Variants in LARP1 observed in about 807,000 individuals in gnomAD.
LARP1 encodes la-related protein 1.
Under a neutral mutation model 122.7 loss-of-function variants are expected in LARP1, and 36 were observed. The ratio of observed to expected loss-of-function variants is 0.29; its 90% CI spans 0.22 to 0.39. LARP1 has a LOEUF of 0.39. Among genes scored for constraint, LARP1 ranks in the 10% least tolerant of loss-of-function variants. The pLI, the probability that LARP1 is intolerant of heterozygous loss-of-function variation, is 1.00. For missense variants in LARP1, 1,040 were observed against 1,403.6 expected, an observed-to-expected ratio of 0.74 and a Z score of 4.14; for synonymous variants, 539 against 528.7, an observed-to-expected ratio of 1.02 and a Z score of -0.27.
intron 18 of LARP1, among the ~76,000 whole-genome samples, chr5:154,812,298 A>G (rs1365961404): frequency 6.6e-6 from 1 of 152,172 alleles, no homozygotes; most frequent in Non-Finnish European, 1.5e-5. Context: ...ACTAGCCCTT[A>G]ACATTTTGTA....
chr5:154,755,327 C>G (rs1432518397), upstream of LARP1, among the ~76,000 whole-genome samples: 1 of 149,752 alleles, frequency 6.7e-6, no homozygotes, highest in African/African-American at 2.4e-5. Context: ...CGCCCGCCGC[C>G]TGCCGCGGAT....
upstream of LARP1, among the ~76,000 whole-genome samples, chr5:154,755,077 G>T (rs566994134): frequency 2.6e-5 from 4 of 151,900 alleles, no homozygotes; most frequent in South Asian, 2.1e-4. Flanking sequence ...CGCCCCCACC[G>T]ACAACTCCCG....
At chr5:154,712,213 A>G (rs1755252722), upstream of LARP1, among the ~76,000 whole-genome samples, 1 of 152,178 alleles carries the variant, frequency 6.6e-6, no homozygotes, top group Admixed American at 6.5e-5. Flanking sequence ...AGTCTCTTTC[A>G]GCTTTAAACC....
chr5:154,734,366 A>G (rs1327266179), intron 1 of LARP1, among the ~76,000 whole-genome samples: 1 of 152,214 alleles, frequency 6.6e-6, no homozygotes, highest in African/African-American at 2.4e-5. Context: ...ACATCAAGAC[A>G]GAGGCTGAAA....
rs200557431 is a variant in LARP1, at chr5:154,808,487, T to C, written c.2727T>C (p.Ser909=). Reference sequence around the variant, plus strand: ...GGAAACGCTTGGGCATTGGCCAGTCTCAGGAGATGAACACACTCTTCCGCT... The same window carrying C: ...GGAAACGCTTGGGCATTGGCCAGTCCCAGGAGATGAACACACTCTTCCGCT... ...NERKRLGIGQ[S]QEMNTLFRFW... is the part of the protein sequence containing the mutation. Residue 909 remains serine, a synonymous_variant, in exon 16 of 19, where the codon TCT becomes TCC. Coordinates refer to ENST00000518297, the MANE Select transcript of LARP1 (RefSeq NM_033551.3). 1.9e-6 allele frequency: 3 copies of C among 1,613,612 alleles called. No homozygotes were observed. Among genetic ancestry groups the C allele is most frequent in the South Asian group, 2.2e-5 (2 of 91,034 alleles).
chr5:154,723,223 G>C lies in LARP1; in HGVS notation c.205+10093G>C, dbSNP rs1475200273. 2.6e-5 allele frequency among the ~76,000 whole-genome samples: 4 copies of C among 152,216 alleles called. No individual in the cohort carries two copies. The East Asian group carries it at 7.7e-4, about 29-fold the overall frequency. On this transcript the variant is annotated intron_variant, in intron 1 of 18. Coordinates refer to the LARP1 transcript ENST00000336314. ...AATGTGTCACTGCTGGGATTTGCAA[G>C]TGCCAGCTCTAACAGGGGTTGTCAA...
intron 1 of LARP1, among the ~76,000 whole-genome samples, chr5:154,687,493 TGCCTCA>T (rs1753990809): frequency 6.6e-6 from 1 of 152,238 alleles, no homozygotes; most frequent in Admixed American, 6.5e-5. Context: ...ACCATTCTCC[TGCCTCA>T]GCCTCCCTAG....
intron 16 of LARP1, among the ~76,000 whole-genome samples, chr5:154,809,435 A>G (rs954583619): frequency 6.8e-6 from 1 of 146,046 alleles, no homozygotes; most frequent in South Asian, 2.1e-4. Context: ...GAAAACATCC[A>G]TCATTCCAGA....
intron 1 of LARP1, among the ~76,000 whole-genome samples, chr5:154,773,291 T>C (rs1755594555): frequency 6.6e-6 from 1 of 152,182 alleles, no homozygotes; most frequent in East Asian, 1.9e-4. Context: ...ATATATTTTT[T>C]CCATTTAGAA....
At chr5:154,770,476 GTCCCTGGCTCCCTCCCTGCCCA>G (rs1755310379) in intron 1 of LARP1, among the ~76,000 whole-genome samples, 1 of 152,010 alleles carries the variant, frequency 6.6e-6, no homozygotes, top group Non-Finnish European at 1.5e-5. Flanking sequence ...CTCCCGGCCT[GTCCCTGGCTCCCTCCCTGCCCA>G]TCCCTGGCTC....
chr5:154,781,229 G>C (rs1756399536), intron 1 of LARP1, among the ~76,000 whole-genome samples: 1 of 152,182 alleles, frequency 6.6e-6, no homozygotes, highest in African/African-American at 2.4e-5. Flanking sequence ...ATTGGCTTCT[G>C]AAGTCCAGGG....
chr5:154,758,061 A>G lies in LARP1; in HGVS notation c.436+1868A>G, dbSNP rs1450664275. On this transcript the variant is annotated intron_variant, in intron 1 of 18. Transcript: ENST00000518297. The stretch of plus-strand genomic sequence containing the variant: ...CTCCCCTCTTTAAACTCAAAAGGGT[A>G]TAATCATCCCCGGGAGAGAGCACTC... 2.0e-5 allele frequency among the ~76,000 whole-genome samples: 3 copies of G among 151,956 alleles called. No homozygotes were observed. The East Asian group carries it at 5.8e-4, about 29-fold the overall frequency.
chr5:154,736,276 A>G (rs1173275042), intron 1 of LARP1, among the ~76,000 whole-genome samples: 1 of 151,548 alleles, frequency 6.6e-6, no homozygotes. Context: ...TTGTAGTTTT[A>G]GTGGACACGG....
At chr5:154,773,275 T>G (rs1755593658) in intron 1 of LARP1, among the ~76,000 whole-genome samples, 1 of 152,206 alleles carries the variant, frequency 6.6e-6, no homozygotes, top group African/African-American at 2.4e-5. Flanking sequence ...CACTGTATTG[T>G]AAGCTATATA....
At chr5:154,771,162 C>A (rs958470111) in intron 1 of LARP1, among the ~76,000 whole-genome samples, 20 of 151,714 alleles carry the variant, frequency 1.3e-4, no homozygotes, top group Admixed American at 7.2e-4. Flanking sequence ...AAGTGCAGTG[C>A]TTATCAGTGA....
At chr5:154,709,657 C>T (rs1373396952), upstream of LARP1, among the ~76,000 whole-genome samples, 2 of 143,080 alleles carry the variant, frequency 1.4e-5, no homozygotes, top group African/African-American at 5.2e-5. Flanking sequence ...CTTGTGGGCT[C>T]ACCAAAACTG....
chr5:154,779,581 T>C (rs940618060), intron 1 of LARP1, among the ~76,000 whole-genome samples: 2 of 148,652 alleles, frequency 1.3e-5, no homozygotes, highest in African/African-American at 5.0e-5. Context: ...CAATCTCGGC[T>C]CACCGCAACC....
chr5:154,732,164 T>TAAAAC (rs1254467431), intron 1 of LARP1, among the ~76,000 whole-genome samples: 12 of 130,048 alleles, frequency 9.2e-5, no homozygotes, highest in East Asian at 7.7e-4. Flanking sequence ...AGACTCTAGC[T>TAAAAC]AAAACAAAAC....
intron 1 of LARP1, among the ~76,000 whole-genome samples, chr5:154,782,371 A>G (rs1336994541): frequency 3.3e-5 from 5 of 152,198 alleles, no homozygotes; most frequent in Non-Finnish European, 5.9e-5. Flanking sequence ...ATTATTGATC[A>G]GCTTTGAAGC....
Sources: gnomAD v4.1 joint callset for allele counts (sites outside exome capture counted in the v4.1 genomes callset) on GRCh38, gnomAD v4.1.1 for gene constraint, MANE v1.5 for transcripts, NCBI Gene and HGNC (gene_info 2026-07-23, HGNC 2026-07-21) for gene names.